Variants in PHLDB2 observed in about 807,000 individuals in gnomAD.
PHLDB2 encodes the protein pleckstrin homology-like domain family B member 2.
In PHLDB2, 71 loss-of-function variants were observed where a neutral mutation model predicts 123.6. The ratio of observed to expected loss-of-function variants is 0.57; its 90% CI spans 0.47 to 0.70. The LOEUF is 0.70. Among genes scored for constraint, PHLDB2 ranks in the 30% least tolerant of loss-of-function variants. The probability of loss-of-function intolerance (pLI) is 0.00; values close to 1 mark genes in which losing one functional copy is unlikely to be tolerated. For missense variants in PHLDB2, 1,446 were observed against 1,519.5 expected, an observed-to-expected ratio of 0.95 and a Z score of 0.80; for synonymous variants, 547 against 541.6, an observed-to-expected ratio of 1.01 and a Z score of -0.14.
intron 2 of PHLDB2, among the ~76,000 whole-genome samples, chr3:111,888,086 G>A (rs968714473): frequency 1.3e-5 from 2 of 152,074 alleles, no homozygotes; most frequent in Admixed American, 6.6e-5. Flanking sequence ...ATATTACAGA[G>A]AGTGAGGGCA....
chr3:111,850,788 G>T (rs764757953), intron 2 of PHLDB2, among the ~76,000 whole-genome samples: 6 of 152,010 alleles, frequency 3.9e-5, no homozygotes, highest in Admixed American at 1.3e-4. Flanking sequence ...ATAAATAAAA[G>T]AACTATACTA....
At chr3:111,902,516 A>G (rs773144407) in intron 2 of PHLDB2, among the ~76,000 whole-genome samples, 3 of 152,222 alleles carry the variant, frequency 2.0e-5, no homozygotes, top group Non-Finnish European at 4.4e-5. Context: ...GTAATTAAAT[A>G]TGTACTTAAT....
Position 111,953,976 on chromosome 3 carries a change from C to T in PHLDB2, c.2819C>T (p.Pro940Leu), listed in dbSNP as rs530126533. Residue 940 changes from proline (P) to leucine (L), a missense_variant, in exon 12 of 18, where the codon CCT becomes CTT. Physicochemically the swap from Pro to Leu is moderately conservative, Grantham distance 98. This residue lies in a region of PHLDB2 where 594 missense variants were observed against 646.0 expected (regional missense o/e 0.92). Transcript: ENST00000431670. The stretch of plus-strand genomic sequence containing the variant: ...AGTAACAGCTGTGGAAGTGTGCTCC[C>T]TCCCTCACTGGCAGCCATGGCCAAA... ...GQSNSCGSVL[P>L]PSLAAMAKDS... 52 of 1,613,610 alleles carry T rather than the reference C, an allele frequency of 3.2e-5. No individual in the cohort carries two copies. Among genetic ancestry groups the T allele is most frequent in the Admixed American group, 6.7e-5 (4 of 59,938 alleles).
chr3:111,890,408 A>G (rs1244578055), intron 2 of PHLDB2, among the ~76,000 whole-genome samples: 1 of 152,224 alleles, frequency 6.6e-6, no homozygotes, highest in Non-Finnish European at 1.5e-5. Flanking sequence ...AGCCCATGAG[A>G]TATACTTCAT....
chr3:111,973,817 G>T lies in PHLDB2; in HGVS notation c.3621G>T (p.Lys1207Asn). 1 of 1,543,660 alleles carries T rather than the reference G, an allele frequency of 6.5e-7. No homozygotes were observed. Among genetic ancestry groups the T allele is most frequent in the Non-Finnish European group, 8.9e-7 (1 of 1,126,406 alleles). The change falls in exon 17 of 18, where the codon AAG becomes AAT. Residue 1207 changes from lysine (K) to asparagine (N), a missense_variant and splice_region_variant. Lys to Asn is a moderately conservative substitution (Grantham distance 94). Transcript: ENST00000431670. ...ATGATCACCTCAAGAATGCTAATAA[G>T]GTAAACATCAGTTTTCTAAATTCCT... ...VYYDHLKNAN[K>N]SPNPLLTFSV...
intron 2 of PHLDB2, among the ~76,000 whole-genome samples, chr3:111,895,932 A>G (rs145164538): frequency 7.4e-4 from 112 of 152,016 alleles, no homozygotes; most frequent in Middle Eastern, 3.4e-3. Flanking sequence ...AAGGAGGACT[A>G]TTGATTGTTT....
chr3:111,739,427 G>A (rs1345934962), intron 1 of PHLDB2, among the ~76,000 whole-genome samples: 1 of 152,110 alleles, frequency 6.6e-6, no homozygotes, highest in East Asian at 1.9e-4. Flanking sequence ...ATAAACGGAA[G>A]CCCTTAAAGG....
intron 2 of PHLDB2, among the ~76,000 whole-genome samples, chr3:111,892,423 G>A (rs1393304455): frequency 6.6e-6 from 1 of 152,116 alleles, no homozygotes; most frequent in African/African-American, 2.4e-5. Context: ...CTAGAGTATA[G>A]GAAGCATTCT....
rs147990320 is a variant in PHLDB2 at position 111,872,501 on chromosome 3, T to C, written c.-14-11563T>C. Among the ~76,000 whole-genome samples the C allele has an allele frequency of 1.1e-4, 17 of 152,312 alleles. No homozygotes were observed. In the East Asian group the frequency reaches 3.3e-3, roughly 29 times the overall value. On this transcript the variant is annotated intron_variant, in intron 1 of 17. Coordinates refer to ENST00000431670, the MANE Select transcript of PHLDB2 (RefSeq NM_001134438.2). The stretch of plus-strand genomic sequence containing the variant: ...CCTTCCTAACTCTGCTTTCTTCCTC[T>C]ATACTCAGCTGCAGTCTCTGATGTG...
At chr3:111,904,048 C>T (rs1354007562) in intron 2 of PHLDB2, among the ~76,000 whole-genome samples, 3 of 152,086 alleles carry the variant, frequency 2.0e-5, no homozygotes, top group East Asian at 1.9e-4. Context: ...GAGGCCGAGG[C>T]GGGCAGATCA....
rs1245080711 is a variant in PHLDB2 at position 111,974,820 on chromosome 3, A to G, written c.*257A>G. On this transcript the variant is annotated 3_prime_UTR_variant, in exon 18 of 18. Transcript: ENST00000431670. ...TATTTTGATAAATTGGATCACTTAT[A>G]GGAACATTTCTAATAAACTGTTTTT... 1 of 289,392 alleles carries G rather than the reference A, an allele frequency of 3.5e-6. No homozygotes were observed. Among genetic ancestry groups the G allele is most frequent in the African/African-American group, 2.2e-5 (1 of 46,114 alleles). The allele number at this position is 289,392 out of a possible 1,614,324, so 17.9% of individuals were successfully genotyped here.
At chr3:111,832,102 A>G (rs1385013530) in intron 1 of PHLDB2, among the ~76,000 whole-genome samples, 2 of 152,262 alleles carry the variant, frequency 1.3e-5, no homozygotes, top group African/African-American at 4.8e-5. Context: ...TCTGAGCCCT[A>G]CAAGAACCAC....
intron 1 of PHLDB2, among the ~76,000 whole-genome samples, chr3:111,783,246 G>A (rs560446330): frequency 4.6e-5 from 7 of 152,146 alleles, no homozygotes; most frequent in African/African-American, 9.6e-5. Context: ...AATCTTCTAC[G>A]GGGCAATAGC....
intron 1 of PHLDB2, among the ~76,000 whole-genome samples, chr3:111,826,567 A>G (rs1055286853): frequency 1.3e-5 from 2 of 152,188 alleles, no homozygotes; most frequent in Non-Finnish European, 2.9e-5. Flanking sequence ...TGGCAGCTAA[A>G]CAAAGAATTG....
rs550725462 is a variant in PHLDB2 at position 111,970,436 on chromosome 3, C to T, written c.3535+527C>T. 1.1e-4 allele frequency among the ~76,000 whole-genome samples: 16 copies of T among 152,290 alleles called. No homozygotes were observed. In the South Asian group the frequency reaches 2.7e-3, roughly 26 times the overall value. Reference sequence around the variant, plus strand: ...TGTCATACGTCCCATTTAAGTCACACACAATTAGGCAGCCGTAGCTGAAAA... The same window carrying T: ...TGTCATACGTCCCATTTAAGTCACATACAATTAGGCAGCCGTAGCTGAAAA... On this transcript the variant is annotated intron_variant, in intron 16 of 17. Transcript: ENST00000431670.
At chr3:111,750,667 C>T (rs1158050842) in intron 1 of PHLDB2, among the ~76,000 whole-genome samples, 1 of 152,044 alleles carries the variant, frequency 6.6e-6, no homozygotes, top group Non-Finnish European at 1.5e-5. Flanking sequence ...CCCCGGGGGC[C>T]GGATGCGATG....
intron 1 of PHLDB2, among the ~76,000 whole-genome samples, chr3:111,812,491 G>A (rs548047154): frequency 2.6e-5 from 4 of 152,330 alleles, no homozygotes; most frequent in Admixed American, 2.6e-4. Context: ...TTTTCATGGA[G>A]TTTCTCAACT....
chr3:111,766,524 G>A (rs2060084571), intron 1 of PHLDB2, among the ~76,000 whole-genome samples: 1 of 151,840 alleles, frequency 6.6e-6, no homozygotes, highest in Non-Finnish European at 1.5e-5. Context: ...AGTTTTGCAT[G>A]TAATTTCATA....
At chr3:111,830,509 A>C (rs1303000771) in intron 1 of PHLDB2, among the ~76,000 whole-genome samples, 2 of 538 alleles carry the variant, frequency 3.7e-3, no homozygotes, top group Non-Finnish European at 0.019. Context: ...GAACATGGCA[A>C]AAAAAAAAAA....
Sources: gnomAD v4.1 joint callset for allele counts (sites outside exome capture counted in the v4.1 genomes callset) on GRCh38, gnomAD v4.1.1 for gene constraint, gnomAD v4.1.1 regional missense constraint, MANE v1.5 for transcripts, NCBI Gene and HGNC (gene_info 2026-07-23, HGNC 2026-07-21) for gene names.